Variants in NBEA observed in about 807,000 individuals in gnomAD.
The protein encoded by NBEA is lysosomal-trafficking regulator 2.
In NBEA, 44 loss-of-function variants were observed where a neutral mutation model predicts 343.4. That is an observed-to-expected ratio of 0.13 (90% CI 0.10 to 0.16). The LOEUF (loss-of-function observed/expected upper bound fraction) is 0.16, where lower values mean the gene tolerates loss of function less well. Ranked by LOEUF, NBEA falls within the 10% of genes least tolerant of loss-of-function variation. The probability of loss-of-function intolerance (pLI) is 1.00; values close to 1 mark genes in which losing one functional copy is unlikely to be tolerated. For missense variants in NBEA, 2,555 were observed against 3,631.3 expected (o/e 0.70, Z 7.62); for synonymous variants, 1,175 against 1,238.7 (o/e 0.95, Z 1.08).
intron 34 of NBEA, among the ~76,000 whole-genome samples, chr13:35,280,264 G>T (rs1482916145): frequency 1.3e-5 from 2 of 151,990 alleles, no homozygotes; most frequent in Non-Finnish European, 2.9e-5. Context: ...CACATTAAGT[G>T]TGCTATTTAC....
At chr13:35,540,766 A>G (rs1006958099) in intron 41 of NBEA, among the ~76,000 whole-genome samples, 1 of 152,180 alleles carries the variant, frequency 6.6e-6, no homozygotes, top group Admixed American at 6.5e-5. Context: ...CATTAAGTCC[A>G]TTTTTTAGGG....
chr13:35,445,615 A>C (rs2045961290), intron 39 of NBEA, among the ~76,000 whole-genome samples: 1 of 151,740 alleles, frequency 6.6e-6, no homozygotes, highest in African/African-American at 2.4e-5. Flanking sequence ...ATGTGCATGT[A>C]AAATGACTAA....
At chr13:35,140,049 T>G (rs187162979) in intron 17 of NBEA, among the ~76,000 whole-genome samples, 228 of 152,174 alleles carry the variant, frequency 1.5e-3, no homozygotes, top group African/African-American at 5.3e-3. Context: ...TGAGACCAGG[T>G]CTCACTCTGT....
intron 34 of NBEA, among the ~76,000 whole-genome samples, chr13:35,277,912 C>T (rs1043495749): frequency 4.0e-5 from 6 of 149,856 alleles, no homozygotes; most frequent in African/African-American, 1.5e-4. Flanking sequence ...CATGGCAAAA[C>T]CCCATCTCTA....
At chr13:35,483,741 A>G (rs571701016) in intron 41 of NBEA, among the ~76,000 whole-genome samples, 1 of 152,172 alleles carries the variant, frequency 6.6e-6, no homozygotes, top group Admixed American at 6.5e-5. Context: ...TTTTAATGTT[A>G]TGCATGCTTA....
chr13:34,948,300 T>C (rs949259729), intron 1 of NBEA, among the ~76,000 whole-genome samples: 2 of 152,168 alleles, frequency 1.3e-5, no homozygotes, highest in African/African-American at 4.8e-5. Context: ...TGGTGATTGG[T>C]TCAGGGACAA....
chr13:35,251,672 T>C (rs2031978418), intron 34 of NBEA: 2 of 662,136 alleles, frequency 3.0e-6, no homozygotes, highest in Non-Finnish European at 4.2e-6. Flanking sequence ...GCGGCTATCA[T>C]CTCTGCCTAT....
chr13:34,969,677 G>C (rs746158106), intron 1 of NBEA, among the ~76,000 whole-genome samples: 4 of 151,920 alleles, frequency 2.6e-5, no homozygotes, highest in Non-Finnish European at 5.9e-5. Context: ...GTTTGCTGAG[G>C]ATAATGGCCT....
At chr13:35,113,627 ATCTG>A (rs1555307508) in intron 13 of NBEA, among the ~76,000 whole-genome samples, 22 of 150,608 alleles carry the variant, frequency 1.5e-4, no homozygotes, top group African/African-American at 4.1e-4. Flanking sequence ...CTATCTATCT[ATCTG>A]TCTGTCTATC....
intron 40 of NBEA, among the ~76,000 whole-genome samples, chr13:35,468,336 A>AAT (rs2075487646): frequency 6.6e-6 from 1 of 152,198 alleles, no homozygotes; most frequent in African/African-American, 2.4e-5. Flanking sequence ...GAGACAAAAA[A>AAT]CAACTTTATA....
At chr13:34,996,155 A>C (rs998120916) in intron 1 of NBEA, among the ~76,000 whole-genome samples, 10 of 152,196 alleles carry the variant, frequency 6.6e-5, no homozygotes, top group Non-Finnish European at 1.0e-4. Context: ...TGAATGTGCA[A>C]ATTACAACCT....
At chr13:34,964,438 T>C (rs1840078565) in intron 1 of NBEA, among the ~76,000 whole-genome samples, 1 of 152,026 alleles carries the variant, frequency 6.6e-6, no homozygotes, top group Admixed American at 6.6e-5. Flanking sequence ...TTCTCATAGC[T>C]CTACACTCTT....
intron 45 of NBEA, among the ~76,000 whole-genome samples, chr13:35,572,812 C>T (rs2080504559): frequency 6.6e-6 from 1 of 152,100 alleles, no homozygotes; most frequent in South Asian, 2.1e-4. Flanking sequence ...TGGCTCACTA[C>T]AATCTCAACT....
chr13:35,537,053 T>C (rs560878106), intron 41 of NBEA, among the ~76,000 whole-genome samples: 1 of 152,232 alleles, frequency 6.6e-6, no homozygotes, highest in African/African-American at 2.4e-5. Flanking sequence ...AGGGTTGGAA[T>C]AGGAGGAGTG....
chr13:35,497,077 T>C (rs2076709696), intron 41 of NBEA, among the ~76,000 whole-genome samples: 1 of 152,010 alleles, frequency 6.6e-6, no homozygotes, highest in South Asian at 2.1e-4. Flanking sequence ...AAAAATAGAA[T>C]CTGCAAAACA....
chr13:35,441,417 A>G (rs1433409345), intron 39 of NBEA, among the ~76,000 whole-genome samples: 1 of 152,168 alleles, frequency 6.6e-6, no homozygotes, highest in Non-Finnish European at 1.5e-5. Context: ...CAAAACCACC[A>G]TTCATTTTTG....
chr13:35,306,089 G>C (rs2036875144), intron 35 of NBEA, among the ~76,000 whole-genome samples: 1 of 152,142 alleles, frequency 6.6e-6, no homozygotes, highest in Non-Finnish European at 1.5e-5. Context: ...AAGCAGGATA[G>C]ACAGAAGATT....
chr13:35,115,920 T>C (rs2066470988), intron 13 of NBEA, among the ~76,000 whole-genome samples: 1 of 152,166 alleles, frequency 6.6e-6, no homozygotes. Context: ...AGAGATGTTA[T>C]AAAACTGGTC....
rs754986587 is a variant in NBEA, at chr13:34,977,313, CT to C, written c.294+34212del. ...ATGGATATGAATTGTACATAATTAT[CT>C]TTTTTTTTTTTTGAGATGGAGTCTG... is the stretch of plus-strand genomic sequence containing the variant. On this transcript the variant is annotated intron_variant, in intron 1 of 58. Coordinates refer to ENST00000379939, the MANE Select transcript of NBEA (RefSeq NM_001385012.1). 8.8e-3 allele frequency among the ~76,000 whole-genome samples: 1,258 copies of C among 142,374 alleles called. 13 individuals are homozygous for C. The highest frequency in any genetic ancestry group is 0.028 in the African/African-American group (1,075 of 39,060). The allele number at this position is 142,374 out of a possible 152,430, so 93.4% of individuals were successfully genotyped here. A position where few individuals can be genotyped will look rare whatever the true frequency, so the allele number is the denominator to read the frequency against.
Sources: allele counts gnomAD v4.1 joint callset (sites outside exome capture counted in the v4.1 genomes callset), GRCh38; gene constraint gnomAD v4.1.1; transcripts MANE v1.5; gene names NCBI Gene and HGNC (gene_info 2026-07-23, HGNC 2026-07-21).